The following CNTNAP2 variants were observed in gnomAD, a reference collection of about 807,000 sequenced individuals.
The protein encoded by CNTNAP2 is contactin-associated protein-like 2.
In CNTNAP2, 98 loss-of-function variants were observed where a neutral mutation model predicts 155.2. The observed-to-expected ratio is 0.63, with a 90% confidence interval of 0.54 to 0.75. The LOEUF (loss-of-function observed/expected upper bound fraction) is 0.75. Among genes scored for constraint, CNTNAP2 ranks in the 30% least tolerant of loss-of-function variants. The pLI is 0.00. For missense variants in CNTNAP2, 1,727 were observed against 1,688.1 expected (o/e 1.02, Z -0.40); for synonymous variants, 651 against 631.2 (o/e 1.03, Z -0.47).
At chr7:146,947,557 G>GTGTGTATA (rs1472982138) in intron 3 of CNTNAP2, among the ~76,000 whole-genome samples, 5 of 50,714 alleles carry the variant, frequency 9.9e-5, no homozygotes, top group African/African-American at 2.8e-4. Flanking sequence ...GTGTGTGTGT[G>GTGTGTATA]TATATATATA....
chr7:147,895,280 T>A (rs891594696), intron 13 of CNTNAP2, among the ~76,000 whole-genome samples: 1 of 152,052 alleles, frequency 6.6e-6, no homozygotes, highest in East Asian at 1.9e-4. Context: ...AGCTTATTGG[T>A]TTTTTTAAGT....
chr7:146,620,942 A>T (rs1799306353), intron 1 of CNTNAP2, among the ~76,000 whole-genome samples: 1 of 152,224 alleles, frequency 6.6e-6, no homozygotes, highest in Admixed American at 6.5e-5. Flanking sequence ...ACAATTGGGA[A>T]TTATAAAATT....
At chr7:147,816,331 A>T (rs1343026999) in intron 13 of CNTNAP2, among the ~76,000 whole-genome samples, 1 of 152,196 alleles carries the variant, frequency 6.6e-6, no homozygotes, top group East Asian at 1.9e-4. Context: ...AATGTTACCA[A>T]GGTGAACGGA....
chr7:146,253,351 C>G (rs1214308184), intron 1 of CNTNAP2, among the ~76,000 whole-genome samples: 1 of 152,202 alleles, frequency 6.6e-6, no homozygotes, highest in Non-Finnish European at 1.5e-5. Context: ...GCCACCTGCT[C>G]TAGGAAGGTA....
Position 146,369,029 on chromosome 7 carries a change from G to A in CNTNAP2, c.97+252056G>A, listed in dbSNP as rs1014529183. On this transcript the variant is annotated intron_variant, in intron 1 of 23. Coordinates refer to ENST00000361727, the MANE Select transcript of CNTNAP2 (RefSeq NM_014141.6). ...ATAAAATTTGGAATAAAAGCATTAT[G>A]TATATATATATATATATATATACAT... Among the ~76,000 whole-genome samples, 486 of 137,350 alleles carry A rather than the reference G, an allele frequency of 3.5e-3. 1 individual carries two copies. The highest frequency in any genetic ancestry group is 5.1e-3 in the Non-Finnish European group (328 of 63,778). The allele number at this position is 137,350 out of a possible 152,430, so 90.1% of individuals were successfully genotyped here.
intron 20 of CNTNAP2, among the ~76,000 whole-genome samples, chr7:148,234,184 C>G (rs902048689): frequency 1.3e-5 from 2 of 152,306 alleles, no homozygotes; most frequent in Middle Eastern, 3.4e-3. Context: ...TAAGATGCAA[C>G]CTGCCCAAAG....
At chr7:147,652,844 A>C (rs1392931463) in intron 13 of CNTNAP2, among the ~76,000 whole-genome samples, 39 of 152,170 alleles carry the variant, frequency 2.6e-4, no homozygotes, top group Non-Finnish European at 5.9e-5. Flanking sequence ...AAACATTAAT[A>C]TGGGCTTCCA....
chr7:148,134,515 G>A (rs911236133), intron 16 of CNTNAP2, among the ~76,000 whole-genome samples: 1 of 151,956 alleles, frequency 6.6e-6, no homozygotes, highest in African/African-American at 2.4e-5. Context: ...TTATTTTATG[G>A]TAAAGTTTGA....
chr7:148,393,415 C>A (rs1195709354), intron 22 of CNTNAP2, among the ~76,000 whole-genome samples: 1 of 152,186 alleles, frequency 6.6e-6, no homozygotes, highest in Non-Finnish European at 1.5e-5. Flanking sequence ...CATTTTCCTG[C>A]AAAGATCCAA....
intron 1 of CNTNAP2, among the ~76,000 whole-genome samples, chr7:146,180,020 A>G (rs1040319694): frequency 2.0e-5 from 3 of 152,168 alleles, no homozygotes; most frequent in African/African-American, 7.2e-5. Flanking sequence ...GTTAAACAGG[A>G]TTTCACTCAA....
intron 17 of CNTNAP2, among the ~76,000 whole-genome samples, chr7:148,169,718 T>G (rs1238945205): frequency 6.6e-6 from 1 of 152,198 alleles, no homozygotes; most frequent in Non-Finnish European, 1.5e-5. Context: ...TCCCAGCACT[T>G]TGGGAGGCCA....
At chr7:146,755,790 G>T (rs1156319913) in intron 1 of CNTNAP2, among the ~76,000 whole-genome samples, 1 of 151,934 alleles carries the variant, frequency 6.6e-6, no homozygotes, top group Non-Finnish European at 1.5e-5. Flanking sequence ...ATGATACAGT[G>T]CTATTTATAG....
At chr7:148,254,106 G>A (rs984416780) in intron 20 of CNTNAP2, among the ~76,000 whole-genome samples, 3 of 152,138 alleles carry the variant, frequency 2.0e-5, no homozygotes, top group Admixed American at 6.5e-5. Flanking sequence ...TAAAGTCCTT[G>A]TTTCTGTACC....
rs188976122 is a variant in CNTNAP2, at chr7:147,360,281, A to G, written c.1499-35328A>G. 7.7e-4 allele frequency among the ~76,000 whole-genome samples: 117 copies of G among 152,216 alleles called. 1 individual carries two copies. The highest frequency in any genetic ancestry group is 2.6e-3 in the African/African-American group (110 of 41,546). On this transcript the variant is annotated intron_variant, in intron 9 of 23. Transcript: ENST00000361727. The stretch of plus-strand genomic sequence containing the variant: ...GGTTCAGCAATGATATCTAGTCTAT[A>G]TCTTGGTATATAAATAATCATTGAA...
At chr7:147,922,921 A>T (rs1800309899) in intron 14 of CNTNAP2, among the ~76,000 whole-genome samples, 1 of 152,164 alleles carries the variant, frequency 6.6e-6, no homozygotes, top group South Asian at 2.1e-4. Context: ...AACATTTTTT[A>T]AAAACACTCT....
At chr7:146,273,842 A>C (rs954656104) in intron 1 of CNTNAP2, among the ~76,000 whole-genome samples, 14 of 152,108 alleles carry the variant, frequency 9.2e-5, no homozygotes, top group Admixed American at 7.9e-4. Context: ...CAAGGCGATG[A>C]CCCTGTATTT....
chr7:148,371,857 C>T (rs1007334040), intron 21 of CNTNAP2, among the ~76,000 whole-genome samples: 22 of 152,112 alleles, frequency 1.4e-4, no homozygotes, highest in Non-Finnish European at 1.6e-4. Context: ...GGTAACACAA[C>T]GGTATTTGTT....
At chr7:147,575,755 T>C (rs1169785013) in intron 12 of CNTNAP2, among the ~76,000 whole-genome samples, 1 of 152,048 alleles carries the variant, frequency 6.6e-6, no homozygotes, top group African/African-American at 2.4e-5. Context: ...TAATAAATTT[T>C]CCTTTTTGGT....
chr7:147,767,787 G>C (rs73458219), intron 13 of CNTNAP2, among the ~76,000 whole-genome samples: 434 of 152,122 alleles, frequency 2.9e-3, no homozygotes, highest in African/African-American at 0.01. Context: ...AGAAACAAAG[G>C]CTTTCTTACA....
Sources: allele counts gnomAD v4.1 joint callset (sites outside exome capture counted in the v4.1 genomes callset), GRCh38; gene constraint gnomAD v4.1.1; transcripts MANE v1.5; gene names NCBI Gene and HGNC (gene_info 2026-07-23, HGNC 2026-07-21).